The following C12orf42 variants were observed in gnomAD, a reference collection of about 807,000 sequenced individuals.
C12orf42 encodes chromosome 12 open reading frame 42.
A neutral mutation model predicts 21.6 loss-of-function variants in C12orf42; 25 were observed. The observed-to-expected ratio is 1.16, with a 90% confidence interval of 0.84 to 1.62. The LOEUF (loss-of-function observed/expected upper bound fraction) is 1.62, where lower values mean the gene tolerates loss of function less well. C12orf42 is among the 40% of genes most tolerant of loss of function. The probability of loss-of-function intolerance (pLI) is 0.00; values close to 1 mark genes in which losing one functional copy is unlikely to be tolerated. For synonymous variants in C12orf42, 174 were observed against 175.0 expected (o/e 0.99, Z 0.05); for missense variants, 483 against 459.3 (o/e 1.05, Z -0.47).
the C12orf42 span, among the ~76,000 whole-genome samples, chr12:103,194,707 T>C: frequency 6.6e-6 from 1 of 152,106 alleles, no homozygotes; most frequent in East Asian, 1.9e-4. Flanking sequence ...TGTCCACGAA[T>C]TGGAAGAATT....
intron 4 of C12orf42, among the ~76,000 whole-genome samples, chr12:103,325,324 T>C (rs1363557786): frequency 6.6e-6 from 1 of 152,174 alleles, no homozygotes; most frequent in Non-Finnish European, 1.5e-5. Context: ...TTACAGACCT[T>C]AGGCTCTGCG....
the C12orf42 span, among the ~76,000 whole-genome samples, chr12:103,117,798 G>T: frequency 6.6e-6 from 1 of 152,168 alleles, no homozygotes; most frequent in Admixed American, 6.5e-5. Flanking sequence ...TTCAATGAAG[G>T]CAACCTGAGT....
At chr12:103,114,214 T>C in the C12orf42 span, among the ~76,000 whole-genome samples, 1 of 152,162 alleles carries the variant, frequency 6.6e-6, no homozygotes, top group Non-Finnish European at 1.5e-5. Flanking sequence ...TGTTGACAGG[T>C]TTAAAATGTT....
At chr12:103,403,647 A>G (rs115768750) in intron 2 of C12orf42, among the ~76,000 whole-genome samples, 142 of 152,306 alleles carry the variant, frequency 9.3e-4, no homozygotes, top group African/African-American at 3.3e-3. Flanking sequence ...TTGATTGGAA[A>G]AGCCATGTCT....
the C12orf42 span, among the ~76,000 whole-genome samples, chr12:103,552,097 G>A: frequency 6.6e-6 from 1 of 151,968 alleles, no homozygotes; most frequent in African/African-American, 2.4e-5. Flanking sequence ...CTTGAGGTTT[G>A]CTTGTTTGCA....
intron 4 of C12orf42, among the ~76,000 whole-genome samples, chr12:103,343,156 C>T (rs2042305067): frequency 6.6e-6 from 1 of 152,168 alleles, no homozygotes. Flanking sequence ...CCAAGAAACC[C>T]ACAAAATTAT....
Position 103,302,099 on chromosome 12 carries a change from T to C in C12orf42, c.*9A>G, listed in dbSNP as rs1198933996. The C allele has an allele frequency of 3.1e-6, 5 of 1,604,840 alleles. No individual in the cohort carries two copies. The highest frequency in any genetic ancestry group is 4.3e-6 in the Non-Finnish European group (5 of 1,175,814). On this transcript the variant is annotated 3_prime_UTR_variant, in exon 6 of 6. Transcript: ENST00000548883. The stretch of plus-strand genomic sequence containing the variant: ...GGGCAGCACTCGCCGAACAATTCCC[T>C]CGCAGCGGTCAATGTAAGTGAGCAT...
At chr12:103,368,760 C>T (rs767833494) in intron 4 of C12orf42, 127 bp downstream of exon 4, 10 of 550,430 alleles carry the variant, frequency 1.8e-5, no homozygotes, top group Admixed American at 3.6e-5. Flanking sequence ...AATGAATTTC[C>T]TCTTTTGTTG....
chr12:103,155,345 G>T, the C12orf42 span: 2 of 152,040 alleles, frequency 1.3e-5, no homozygotes. Flanking sequence ...ACATTTTTGT[G>T]GTTATTCAAT....
the C12orf42 span, among the ~76,000 whole-genome samples, chr12:103,109,311 C>G: frequency 6.6e-6 from 1 of 152,104 alleles, no homozygotes; most frequent in South Asian, 2.1e-4. Context: ...GAGAGAGAGA[C>G]AGAATGTGTG....
intron 4 of C12orf42, among the ~76,000 whole-genome samples, chr12:103,281,962 AG>A (rs2036166493): frequency 1.3e-5 from 2 of 151,558 alleles, no homozygotes; most frequent in African/African-American, 4.9e-5. Flanking sequence ...AAAGAAAGAA[AG>A]AGATCGATCC....
chr12:103,225,858 C>T, the C12orf42 span, among the ~76,000 whole-genome samples: 8 of 152,122 alleles, frequency 5.3e-5, no homozygotes, highest in South Asian at 2.1e-4. Context: ...AGGGGATGGG[C>T]TTACCTTCCA....
intron 3 of C12orf42, among the ~76,000 whole-genome samples, chr12:103,395,519 T>C (rs1181078635): frequency 6.6e-6 from 1 of 152,068 alleles, no homozygotes; most frequent in Non-Finnish European, 1.5e-5. Context: ...GTATTTTTAG[T>C]AGAGACTTGG....
At chr12:103,490,584 TTC>T (rs1389722410) in intron 1 of C12orf42, among the ~76,000 whole-genome samples, 1 of 152,070 alleles carries the variant, frequency 6.6e-6, no homozygotes, top group Admixed American at 6.5e-5. Flanking sequence ...TGCCACTTAT[TTC>T]TGTTTTACAT....
the C12orf42 span, among the ~76,000 whole-genome samples, chr12:103,145,664 T>C: frequency 6.6e-6 from 1 of 152,122 alleles, no homozygotes; most frequent in Non-Finnish European, 1.5e-5. Flanking sequence ...AACACAAAGA[T>C]GTTATGAAAA....
At position 103,284,875 on chromosome 12, in the gene C12orf42, A is replaced by T. The variant is rs1253763293; in HGVS notation, n.338-7665T>A. Reference sequence around the variant, plus strand: ...AAGCTGGATTACACTCATTTTTTTTAATTTTAAAAGAAATTAAGACATTTT... The same window carrying T: ...AAGCTGGATTACACTCATTTTTTTTTATTTTAAAAGAAATTAAGACATTTT... On this transcript the variant is annotated intron_variant and non_coding_transcript_variant, in intron 4 of 6. Transcript: ENST00000546526. Among the ~76,000 whole-genome samples, 8 of 152,192 alleles carry T rather than the reference A, an allele frequency of 5.3e-5. No individual in the cohort carries two copies. The East Asian group carries it at 9.6e-4, about 18-fold the overall frequency.
downstream of C12orf42, among the ~76,000 whole-genome samples, chr12:103,233,876 G>C (rs1034185620): frequency 6.6e-6 from 1 of 152,142 alleles, no homozygotes; most frequent in Non-Finnish European, 1.5e-5. Context: ...GGTGAAAAGA[G>C]GCATCCTTGC....
chr12:103,361,707 G>T (rs1003288312), intron 4 of C12orf42, among the ~76,000 whole-genome samples: 1 of 151,984 alleles, frequency 6.6e-6, no homozygotes, highest in African/African-American at 2.4e-5. Context: ...TTGCATGGGA[G>T]CTGGGTGAGG....
the C12orf42 span, among the ~76,000 whole-genome samples, chr12:103,523,649 T>A: frequency 6.6e-6 from 1 of 151,314 alleles, no homozygotes; most frequent in Non-Finnish European, 1.5e-5. Context: ...AGTGTCTATA[T>A]ATAGACACTC....
Sources: allele counts gnomAD v4.1 joint callset (sites outside exome capture counted in the v4.1 genomes callset), GRCh38; gene constraint gnomAD v4.1.1; transcripts MANE v1.5; gene names NCBI Gene and HGNC (gene_info 2026-07-23, HGNC 2026-07-21).